The following ATP10B variants were observed in gnomAD, a reference collection of about 807,000 sequenced individuals.
ATP10B encodes ATPase phospholipid transporting 10B (putative).
Under a neutral mutation model 141.2 loss-of-function variants are expected in ATP10B, and 122 were observed. The observed-to-expected ratio is 0.86, with a 90% CI of 0.75 to 1.00. The LOEUF (loss-of-function observed/expected upper bound fraction) is 1.00, where lower values mean the gene tolerates loss of function less well. Among genes scored for constraint, ATP10B ranks in the 50% least tolerant of loss-of-function variants. The pLI, the probability that ATP10B is intolerant of heterozygous loss-of-function variation, is 0.00. For synonymous variants in ATP10B, 685 were observed against 692.0 expected (o/e 0.99, Z 0.16); for missense variants, 1,876 against 1,825.3 (o/e 1.03, Z -0.51).
chr5:160,585,472 C>T (rs1229539398), intron 24 of ATP10B, among the ~76,000 whole-genome samples: 1 of 152,124 alleles, frequency 6.6e-6, no homozygotes, highest in Non-Finnish European at 1.5e-5. Context: ...GGCATGGTGG[C>T]ACGCGCCATA....
intron 1 of ATP10B, among the ~76,000 whole-genome samples, chr5:160,793,395 G>A (rs10037154): frequency 0.44 from 66,693 of 151,690 alleles, 14,705 homozygotes; most frequent in East Asian, 0.6. Context: ...CAGCTTAAGC[G>A]TTAGTATTTC....
chr5:160,755,639 C>T (rs1441599980), intron 2 of ATP10B, among the ~76,000 whole-genome samples: 2 of 148,660 alleles, frequency 1.3e-5, no homozygotes, highest in Non-Finnish European at 3.0e-5. Flanking sequence ...AACGGTGAAA[C>T]CCCGTCTCTA....
intron 2 of ATP10B, among the ~76,000 whole-genome samples, chr5:160,784,968 A>G (rs1244306312): frequency 6.6e-6 from 1 of 152,140 alleles, no homozygotes; most frequent in African/African-American, 2.4e-5. Flanking sequence ...CTTAACATCA[A>G]GAAGGGACTA....
chr5:160,721,714 G>C (rs891570600), intron 2 of ATP10B, among the ~76,000 whole-genome samples: 1 of 152,166 alleles, frequency 6.6e-6, no homozygotes, highest in Non-Finnish European at 1.5e-5. Flanking sequence ...AGACAGAACA[G>C]ATGGCTAAAA....
At chr5:160,786,728 T>C (rs960603550) in intron 1 of ATP10B, among the ~76,000 whole-genome samples, 27 of 152,164 alleles carry the variant, frequency 1.8e-4, no homozygotes, top group Non-Finnish European at 1.9e-4. Flanking sequence ...TATATTATTT[T>C]AGCAAGGTAA....
chr5:160,606,842 C>T lies in ATP10B; in HGVS notation c.3083G>A (p.Cys1028Tyr). ...ACTCTTCTGGAGTGGCGTGGAGCGG[C>T]AGCACAGGACGGACCGACAATACTG... is the stretch of plus-strand genomic sequence containing the variant. ...LTQYCRSVLC[C>Y]RSTPLQKSMI... The change falls in exon 19 of 26, where the codon TGC becomes TAC. Residue 1028 changes from cysteine to tyrosine, a missense_variant. Physicochemically the swap from Cys to Tyr is radical, Grantham distance 194. Transcript: ENST00000327245. 6.2e-7 allele frequency: 1 copy of T among 1,614,126 alleles called. No homozygotes were observed. Among genetic ancestry groups the T allele is most frequent in the South Asian group, 1.1e-5 (1 of 91,078 alleles).
chr5:160,782,934 C>T (rs1770826346), intron 2 of ATP10B, among the ~76,000 whole-genome samples: 1 of 151,874 alleles, frequency 6.6e-6, no homozygotes, highest in African/African-American at 2.4e-5. Flanking sequence ...ACAGGTATTT[C>T]CATTATATAG....
chr5:160,859,587 T>C, the ATP10B span, among the ~76,000 whole-genome samples: 2 of 151,890 alleles, frequency 1.3e-5, no homozygotes, highest in African/African-American at 2.4e-5. Flanking sequence ...AATACATCTT[T>C]TATCTTGCTC....
At chr5:160,754,009 A>C (rs1768343108) in intron 2 of ATP10B, among the ~76,000 whole-genome samples, 1 of 152,216 alleles carries the variant, frequency 6.6e-6, no homozygotes, top group South Asian at 2.1e-4. Flanking sequence ...CAAAAGAGAA[A>C]ACTGAGTTTC....
At position 160,655,782 on chromosome 5, in the gene ATP10B, T is replaced by C. The variant is rs562358621; in HGVS notation, c.676-6526A>G. On this transcript the variant is annotated intron_variant, in intron 7 of 25. Transcript: ENST00000327245. Reference sequence around the variant, plus strand: ...ATTCATGCGTGCATTCAAGCTTTTATTTACTATCTATGATAGAGGAGTCAT... The same window carrying C: ...ATTCATGCGTGCATTCAAGCTTTTACTTACTATCTATGATAGAGGAGTCAT... Among the ~76,000 whole-genome samples, 11 of 152,320 alleles carry C rather than the reference T, an allele frequency of 7.2e-5. No individual in the cohort carries two copies. The South Asian group carries it at 1.9e-3, about 26-fold the overall frequency.
intron 2 of ATP10B, among the ~76,000 whole-genome samples, chr5:160,770,081 C>A (rs2127854507): frequency 6.6e-6 from 1 of 152,260 alleles, no homozygotes; most frequent in South Asian, 2.1e-4. Flanking sequence ...ACTTAAGAAT[C>A]TACCAAATCC....
intron 7 of ATP10B, among the ~76,000 whole-genome samples, chr5:160,662,775 C>G (rs1032258397): frequency 5.7e-4 from 87 of 152,296 alleles, no homozygotes; most frequent in African/African-American, 2.0e-3. Flanking sequence ...GCAATGGCAA[C>G]AAAAGCCAAA....
the ATP10B span, among the ~76,000 whole-genome samples, chr5:160,873,703 G>A: frequency 1.1e-4 from 16 of 152,182 alleles, no homozygotes; most frequent in Admixed American, 2.6e-4. Context: ...AAAGCAGGGC[G>A]AGGCACTGCC....
chr5:160,887,626 G>T, the ATP10B span, among the ~76,000 whole-genome samples: 5 of 152,068 alleles, frequency 3.3e-5, no homozygotes, highest in African/African-American at 1.2e-4. Flanking sequence ...CCTCAACCTT[G>T]CTGTGTCTCC....
At chr5:160,788,560 G>A (rs994421557) in intron 1 of ATP10B, among the ~76,000 whole-genome samples, 1 of 152,152 alleles carries the variant, frequency 6.6e-6, no homozygotes, top group Non-Finnish European at 1.5e-5. Flanking sequence ...TAACTTTCCT[G>A]TTCTAAAAAG....
chr5:160,638,077 A>G (rs1759550342), intron 10 of ATP10B, among the ~76,000 whole-genome samples: 1 of 152,192 alleles, frequency 6.6e-6, no homozygotes. Context: ...TGGTGAGGAA[A>G]GAAGAAACAC....
At chr5:160,842,447 C>T (rs895009942) in intron 1 of ATP10B, among the ~76,000 whole-genome samples, 3 of 151,668 alleles carry the variant, frequency 2.0e-5, no homozygotes, top group Non-Finnish European at 4.4e-5. Flanking sequence ...GAATGGAACC[C>T]AACAAATGTA....
intron 2 of ATP10B, among the ~76,000 whole-genome samples, chr5:160,770,198 T>TTC (rs140851194): frequency 7.3e-5 from 11 of 151,330 alleles, no homozygotes; most frequent in South Asian, 4.2e-4. Context: ...ATCCTCTCTC[T>TTC]TCTCTCTCTC....
chr5:160,633,385 A>G (rs1269085768), intron 12 of ATP10B: 1 of 152,278 alleles, frequency 6.6e-6, no homozygotes, highest in Non-Finnish European at 1.5e-5. Context: ...CAGCCATAAA[A>G]AAGGATGAGT....
Sources: gnomAD v4.1 joint callset for allele counts (sites outside exome capture counted in the v4.1 genomes callset) on GRCh38, gnomAD v4.1.1 for gene constraint, MANE v1.5 for transcripts, NCBI Gene and HGNC (gene_info 2026-07-23, HGNC 2026-07-21) for gene names.